Variants in CRTC1 observed in about 807,000 individuals in gnomAD.
CRTC1 encodes CREB regulated transcription coactivator 1.
In CRTC1, 18 loss-of-function variants were observed where a neutral mutation model predicts 66.1. That is an observed-to-expected ratio of 0.27 (90% CI 0.19 to 0.40). The LOEUF (loss-of-function observed/expected upper bound fraction) is 0.40. Ranked by LOEUF, CRTC1 falls within the 10% of genes least tolerant of loss-of-function variation. The pLI is 1.00. For missense variants in CRTC1, 669 were observed against 887.9 expected (o/e 0.75, Z 3.13); for synonymous variants, 416 against 398.8 (o/e 1.04, Z -0.51).
At chr19:18,692,012 C>G (rs1455211323) in intron 1 of CRTC1, among the ~76,000 whole-genome samples, 1 of 152,150 alleles carries the variant, frequency 6.6e-6, no homozygotes, top group African/African-American at 2.4e-5. Flanking sequence ...CGCGCTCGGT[C>G]TTCCCCACCC....
rs376365435 is a variant in CRTC1 at position 18,771,558 on chromosome 19, C to T, written c.1425+12C>T. 47 of 1,600,358 alleles carry T rather than the reference C, an allele frequency of 2.9e-5. No individual in the cohort carries two copies. Among genetic ancestry groups the T allele is most frequent in the South Asian group, 4.5e-5 (4 of 89,802 alleles). On this transcript the variant is annotated intron_variant, in intron 11 of 13. Transcript: ENST00000321949. This position sits in a 1 kb window ranked among gnomAD's most constrained non-coding sequence, Gnocchi z 4.6. ...GGAGCTCCCCGCAAGTAAGGGGCGC[C>T]GCCTCCCCCTTGGCCTGTGGGCTCC...
rs764243790 is a variant in CRTC1, at chr19:18,765,387, T to G, written c.887-17T>G. 1.4e-5 allele frequency: 22 copies of G among 1,603,880 alleles called. No homozygotes were observed. The highest frequency in any genetic ancestry group is 2.2e-5 in the East Asian group (1 of 44,592). On this transcript the variant is annotated splice_polypyrimidine_tract_variant and intron_variant, in intron 8 of 13. Transcript: ENST00000321949. Reference sequence around the variant, plus strand: ...CAGTCTCACACCTGCTCTCCCTCCCTCCTACTTCCTCTCTAGGAATGAGCA... The same window carrying G: ...CAGTCTCACACCTGCTCTCCCTCCCGCCTACTTCCTCTCTAGGAATGAGCA...
chr19:18,686,436 T>C (rs1246747973), intron 1 of CRTC1, among the ~76,000 whole-genome samples: 1 of 152,148 alleles, frequency 6.6e-6, no homozygotes, highest in African/African-American at 2.4e-5. Context: ...TGACCTGAGG[T>C]CAGGAGTTCG....
chr19:18,733,122 C>A (rs1429984380), intron 1 of CRTC1, among the ~76,000 whole-genome samples: 1 of 152,078 alleles, frequency 6.6e-6, no homozygotes, highest in Non-Finnish European at 1.5e-5. Flanking sequence ...AGACAGCCCT[C>A]CCGGCTGGGG....
At chr19:18,707,724 G>A (rs1013252190) in intron 1 of CRTC1, among the ~76,000 whole-genome samples, 4 of 152,340 alleles carry the variant, frequency 2.6e-5, no homozygotes, top group African/African-American at 9.6e-5. Context: ...GCCGGGCACA[G>A]TGGTTCACGC....
At chr19:18,729,473 G>T (rs776441759) in intron 1 of CRTC1, among the ~76,000 whole-genome samples, 2 of 151,644 alleles carry the variant, frequency 1.3e-5, no homozygotes, top group Non-Finnish European at 2.9e-5. Flanking sequence ...GGCTGGGTGT[G>T]GTGGCTCATG....
intron 1 of CRTC1, among the ~76,000 whole-genome samples, chr19:18,684,340 C>G (rs1014192739): frequency 6.6e-6 from 1 of 152,006 alleles, no homozygotes; most frequent in South Asian, 2.1e-4. Flanking sequence ...ATCCTTGCTA[C>G]CTGGGAGGGA....
intron 13 of CRTC1, among the ~76,000 whole-genome samples, chr19:18,776,401 G>A (rs1484353598): frequency 2.6e-5 from 4 of 152,242 alleles, no homozygotes. Context: ...TGCTGAAGAA[G>A]ATGATTCCCT....
chr19:18,763,412 G>C (rs974344853), intron 8 of CRTC1, among the ~76,000 whole-genome samples: 1 of 152,142 alleles, frequency 6.6e-6, no homozygotes, highest in Non-Finnish European at 1.5e-5. Context: ...ACGGTATTCA[G>C]GACGGTCACC....
chr19:18,768,445 A>C lies in CRTC1; in HGVS notation c.1012-40A>C. 1 of 1,582,218 alleles carries C rather than the reference A, an allele frequency of 6.3e-7. No homozygotes were observed. ...GGGCCCGAGGGGGCCAGGCGCTGACAACCAGGGCCCGCCCTGCCTGACGCT... is the reference window on the plus strand; with the variant it reads ...GGGCCCGAGGGGGCCAGGCGCTGACCACCAGGGCCCGCCCTGCCTGACGCT... On this transcript the variant is annotated intron_variant, in intron 9 of 13. Transcript: ENST00000321949. This position sits in a 1 kb window ranked among gnomAD's most constrained non-coding sequence, Gnocchi z 5.6.
intron 6 of CRTC1, among the ~76,000 whole-genome samples, chr19:18,756,117 T>A (rs1278411297): frequency 6.6e-6 from 1 of 152,020 alleles, no homozygotes; most frequent in East Asian, 2.0e-4. Context: ...GTGGATCACC[T>A]GAGGTCAGGG....
chr19:18,725,375 C>T (rs569703321), intron 1 of CRTC1, among the ~76,000 whole-genome samples: 1 of 152,304 alleles, frequency 6.6e-6, no homozygotes, highest in Non-Finnish European at 1.5e-5. Flanking sequence ...TCCCAGAATC[C>T]TTGCTCTCTG....
chr19:18,747,009 G>A (rs2054254886), intron 3 of CRTC1, 44 bp from the exon 4 acceptor site: 1 of 1,585,466 alleles, frequency 6.3e-7, no homozygotes, highest in Non-Finnish European at 8.7e-7. Context: ...TGTTGTTGGA[G>A]GCGGGGTCTC....
intron 5 of CRTC1, among the ~76,000 whole-genome samples, chr19:18,750,636 T>TCACATACCTATGCTTG (rs1313379790): frequency 1.3e-5 from 2 of 152,292 alleles, no homozygotes; most frequent in East Asian, 3.9e-4. Context: ...TGCTTAGGGC[T>TCACATACCTATGCTTG]CACATACCTA....
chr19:18,750,399 G>A (rs1211710729), intron 5 of CRTC1, among the ~76,000 whole-genome samples: 4 of 152,184 alleles, frequency 2.6e-5, no homozygotes, highest in East Asian at 3.9e-4. Flanking sequence ...CCAGAGTGTC[G>A]CCTCCAGCTG....
intron 11 of CRTC1, among the ~76,000 whole-genome samples, chr19:18,773,731 C>G (rs2054922026): frequency 6.6e-6 from 1 of 152,210 alleles, no homozygotes; most frequent in Non-Finnish European, 1.5e-5. Context: ...CCTTGGGTCA[C>G]CTTTTTACCT....
At chr19:18,730,494 G>C (rs763965441) in intron 1 of CRTC1, among the ~76,000 whole-genome samples, 44 of 152,190 alleles carry the variant, frequency 2.9e-4, no homozygotes, top group Non-Finnish European at 5.4e-4. Flanking sequence ...CCCTGCCGTG[G>C]AGTCACCGGC....
chr19:18,699,164 A>G (rs1204535766), intron 1 of CRTC1, among the ~76,000 whole-genome samples: 1 of 152,186 alleles, frequency 6.6e-6, no homozygotes, highest in African/African-American at 2.4e-5. Flanking sequence ...TCTCCAGTTC[A>G]TTCTGGAATC....
chr19:18,698,977 C>T (rs897311672), intron 1 of CRTC1, among the ~76,000 whole-genome samples: 3 of 151,176 alleles, frequency 2.0e-5, no homozygotes, highest in African/African-American at 7.3e-5. Context: ...AGGTACTCAG[C>T]AGGCGTACCG....
Sources: gnomAD v4.1 joint callset for allele counts (sites outside exome capture counted in the v4.1 genomes callset) on GRCh38, gnomAD v4.1.1 for gene constraint, Gnocchi (gnomAD v3.1) non-coding constraint, MANE v1.5 for transcripts, NCBI Gene and HGNC (gene_info 2026-07-23, HGNC 2026-07-21) for gene names.